Variants in TLL2 observed in about 807,000 individuals in gnomAD.
TLL2 encodes tolloid like 2.
In TLL2, 106 loss-of-function variants were observed where a neutral mutation model predicts 123.0. The observed-to-expected ratio is 0.86, with a 90% CI of 0.74 to 1.01. The LOEUF (loss-of-function observed/expected upper bound fraction) is 1.01, where lower values mean the gene tolerates loss of function less well. TLL2 is among the 50% of genes least tolerant of loss of function. The pLI, the probability that TLL2 is intolerant of heterozygous loss-of-function variation, is 0.00. For synonymous variants in TLL2, 494 were observed against 516.8 expected (o/e 0.96, Z 0.60); for missense variants, 1,332 against 1,336.7 (o/e 1.00, Z 0.06).
intron 1 of TLL2, among the ~76,000 whole-genome samples, chr10:96,511,351 C>T (rs923432990): frequency 3.3e-5 from 5 of 152,176 alleles, no homozygotes; most frequent in Admixed American, 1.3e-4. Context: ...AGAGGATGGG[C>T]GGACTGAGAT....
chr10:96,480,198 G>A (rs1589433225), intron 2 of TLL2, 151 bp downstream of exon 2: 2 of 651,440 alleles, frequency 3.1e-6, no homozygotes, highest in East Asian at 5.3e-5. Flanking sequence ...TGGCTCCAGT[G>A]GAGAAGGAGA....
At chr10:96,488,161 T>A (rs1444847159) in intron 1 of TLL2, among the ~76,000 whole-genome samples, 2 of 152,158 alleles carry the variant, frequency 1.3e-5, no homozygotes, top group East Asian at 1.9e-4. Context: ...CAGGCCCCAC[T>A]CAGCAAATAT....
At chr10:96,398,412 C>T (rs934851445) in intron 10 of TLL2, among the ~76,000 whole-genome samples, 1 of 152,162 alleles carries the variant, frequency 6.6e-6, no homozygotes, top group African/African-American at 2.4e-5. Flanking sequence ...AAACTATGCC[C>T]CCAACCAGGA....
intron 2 of TLL2, among the ~76,000 whole-genome samples, chr10:96,467,201 TA>T (rs1847140242): frequency 6.6e-6 from 1 of 151,968 alleles, no homozygotes. Flanking sequence ...TTGGGGGAGG[TA>T]TTTTTTTAGA....
chr10:96,394,302 G>A (rs980553139), intron 13 of TLL2, among the ~76,000 whole-genome samples: 1 of 152,226 alleles, frequency 6.6e-6, no homozygotes, highest in African/African-American at 2.4e-5. Flanking sequence ...GGCTGCTGCT[G>A]TGCTCCTGGG....
chr10:96,370,532 C>T (rs987964553), intron 19 of TLL2, among the ~76,000 whole-genome samples: 6 of 152,208 alleles, frequency 3.9e-5, no homozygotes, highest in African/African-American at 1.4e-4. Context: ...GCCAAGGTCC[C>T]CTGTTCCCAG....
chr10:96,370,417 C>A (rs1483452017), intron 19 of TLL2, 102 bp from the exon 20 acceptor site: 3 of 1,416,580 alleles, frequency 2.1e-6, no homozygotes, highest in Non-Finnish European at 2.8e-6. Flanking sequence ...GCGTGCCTGG[C>A]AGGAGAGGCC....
rs938150788 is a variant in TLL2 at position 96,384,682 on chromosome 10, G to A, written c.2099C>T (p.Pro700Leu). ...LHGRFCGSET[P>L]EVITSQSNNM... ...GTTGCTCTGCGAGGTGATGACCTCCGGCGTCTCAGAGCCGCAGAACCTGCC... is the reference window on the plus strand; with the variant it reads ...GTTGCTCTGCGAGGTGATGACCTCCAGCGTCTCAGAGCCGCAGAACCTGCC... Residue 700 changes from proline (P) to leucine (L), a missense_variant, in exon 16 of 21, where the codon CCG becomes CTG. Physicochemically the swap from Pro to Leu is moderately conservative, Grantham distance 98. Transcript: ENST00000357947. 3.5e-5 allele frequency: 57 copies of A among 1,612,952 alleles called. No homozygotes were observed. Among genetic ancestry groups the A allele is most frequent in the Non-Finnish European group, 4.2e-5 (50 of 1,179,250 alleles).
intron 14 of TLL2, among the ~76,000 whole-genome samples, 164 bp from the exon 15 acceptor site, chr10:96,386,379 C>T (rs1385111550): frequency 2.2e-4 from 33 of 152,366 alleles, no homozygotes; most frequent in Admixed American, 2.2e-3. Flanking sequence ...ATGGTTTCAA[C>T]TGAATATTTG....
At chr10:96,511,901 A>C (rs61858493) in intron 1 of TLL2, among the ~76,000 whole-genome samples, 17,113 of 152,246 alleles carry the variant, frequency 0.11, 1,124 homozygotes, top group Non-Finnish European at 0.15. Context: ...TCCCAGCTTC[A>C]GTGGCCCTCT....
chr10:96,440,063 T>G (rs1357604005), intron 3 of TLL2, among the ~76,000 whole-genome samples: 1 of 152,230 alleles, frequency 6.6e-6, no homozygotes, highest in African/African-American at 2.4e-5. Flanking sequence ...CATGTTCTGT[T>G]TGCTAGAATC....
intron 1 of TLL2, among the ~76,000 whole-genome samples, chr10:96,488,368 A>G (rs1273548748): frequency 6.6e-6 from 1 of 152,208 alleles, no homozygotes; most frequent in East Asian, 1.9e-4. Context: ...CTTCCGCAGC[A>G]CCTGCGGGAA....
chr10:96,448,016 G>A (rs1277378931), intron 2 of TLL2, among the ~76,000 whole-genome samples: 2 of 152,158 alleles, frequency 1.3e-5, no homozygotes, highest in Non-Finnish European at 2.9e-5. Context: ...TGACCCTGGA[G>A]ACAGCCACGT....
intron 10 of TLL2, among the ~76,000 whole-genome samples, chr10:96,403,324 A>G (rs1179272768): frequency 1.3e-5 from 2 of 152,226 alleles, no homozygotes; most frequent in Admixed American, 6.5e-5. Flanking sequence ...AAGGGAAGAC[A>G]TAAGAGACTC....
chr10:96,484,286 G>A (rs769967951), intron 1 of TLL2, among the ~76,000 whole-genome samples: 1 of 152,130 alleles, frequency 6.6e-6, no homozygotes, highest in Non-Finnish European at 1.5e-5. Flanking sequence ...GAAACAGCCC[G>A]CTCTATCAGG....
intron 9 of TLL2, among the ~76,000 whole-genome samples, chr10:96,408,124 G>T (rs1393895420): frequency 6.6e-6 from 1 of 152,236 alleles, no homozygotes; most frequent in East Asian, 1.9e-4. Context: ...TCATATTCAG[G>T]TGGTAGAGCT....
At chr10:96,424,046 G>A (rs7083102) in intron 5 of TLL2, among the ~76,000 whole-genome samples, 10,628 of 152,150 alleles carry the variant, frequency 0.07, 475 homozygotes, top group Non-Finnish European at 0.094. Flanking sequence ...AGTGAAATAC[G>A]CCAGGCACAG....
intron 4 of TLL2, among the ~76,000 whole-genome samples, chr10:96,431,743 G>A (rs1419348872): frequency 1.3e-5 from 2 of 152,174 alleles, no homozygotes; most frequent in Non-Finnish European, 2.9e-5. Flanking sequence ...TTCAGGTCAC[G>A]GTAAGTGCTG....
At position 96,488,587 on chromosome 10, in the gene TLL2, C is replaced by G. The variant is rs72811163; in HGVS notation, c.176-8128G>C. ...CACTCAGAGGGGACACAGCCCATAGCATGAGTCAGCGCTGCCCCTTAGGCT... is the reference window on the plus strand; with the variant it reads ...CACTCAGAGGGGACACAGCCCATAGGATGAGTCAGCGCTGCCCCTTAGGCT... On this transcript the variant is annotated intron_variant, in intron 1 of 20. Coordinates refer to ENST00000357947, the MANE Select transcript of TLL2 (RefSeq NM_012465.4). Among the ~76,000 whole-genome samples, 410 of 152,316 alleles carry G rather than the reference C, an allele frequency of 2.7e-3. 2 individuals carry two copies. The highest frequency in any genetic ancestry group is 3.7e-3 in the South Asian group (18 of 4,824).
Sources: gnomAD v4.1 joint callset for allele counts (sites outside exome capture counted in the v4.1 genomes callset) on GRCh38, gnomAD v4.1.1 for gene constraint, MANE v1.5 for transcripts, NCBI Gene and HGNC (gene_info 2026-07-23, HGNC 2026-07-21) for gene names.